MYO7A: variants seen among roughly 807,000 people sequenced by gnomAD.
The protein encoded by MYO7A is myosin VIIA.
In MYO7A, 210 loss-of-function variants were observed where a neutral mutation model predicts 263.8. The observed-to-expected ratio is 0.80, with a 90% confidence interval of 0.71 to 0.89. The LOEUF (loss-of-function observed/expected upper bound fraction) is 0.89, where lower values mean the gene tolerates loss of function less well. Among genes scored for constraint, MYO7A ranks in the 40% least tolerant of loss-of-function variants. MYO7A has a pLI of 0.00. For synonymous variants in MYO7A, 1,239 were observed against 1,197.3 expected, an observed-to-expected ratio of 1.03 and a Z score of -0.72; for missense variants, 2,820 against 2,968.3, an observed-to-expected ratio of 0.95 and a Z score of 1.16.
At chr11:77,158,025 T>G (rs1952660246) in intron 8 of MYO7A, among the ~76,000 whole-genome samples, 1 of 152,048 alleles carries the variant, frequency 6.6e-6, no homozygotes, top group South Asian at 2.1e-4. Flanking sequence ...GTGACCTGCC[T>G]GCTCTTCATG....
Position 77,206,217 on chromosome 11 carries a change from C to T in MYO7A, c.5742+15C>T, listed in dbSNP as rs778530038. 3.8e-6 allele frequency: 6 copies of T among 1,592,570 alleles called. No homozygotes were observed. The African/African-American group carries it at 6.7e-5, about 18-fold the overall frequency. ...ACACTGACGAGGTGAGGGTCACCGG[C>T]TTCTAGGTCTGCAGTGCCCAGGACA... On this transcript the variant is annotated intron_variant, in intron 41 of 48. Transcript: ENST00000409709.
intron 42 of MYO7A, 67 bp downstream of exon 42, chr11:77,207,469 G>T: frequency 1.7e-6 from 2 of 1,163,116 alleles, no homozygotes; most frequent in Non-Finnish European, 2.5e-6. Flanking sequence ...ACGGACAGCA[G>T]ACGGAAGAGA....
intron 12 of MYO7A, among the ~76,000 whole-genome samples, chr11:77,161,819 A>C (rs920774368): frequency 5.8e-4 from 89 of 152,150 alleles, no homozygotes; most frequent in African/African-American, 1.9e-3. Context: ...TTGGGTGCCC[A>C]CCTGCCAATC....
rs773167768 is a variant in MYO7A, at chr11:77,211,900, A to C, written c.6317A>C (p.Lys2106Thr). Residue 2106 changes from lysine to threonine, a missense_variant, in exon 46 of 49, where the codon AAG (lysine) becomes ACG (threonine). By Grantham distance (78) the Lys-to-Thr change is moderately conservative. Transcript: ENST00000409709. ...AKLAFLKLIFKWPTFGSAFFE... is the reference protein window; with the variant it reads ...AKLAFLKLIFTWPTFGSAFFE... ...CTGGCCTTCCTGAAGCTCATCTTCA[A>C]GTGGCCCACCTTTGGCTCAGCCTTC... 3.7e-6 allele frequency: 6 copies of C among 1,613,990 alleles called. No homozygotes were observed. The Admixed American group carries it at 6.7e-5, about 18-fold the overall frequency.
At chr11:77,198,344 G>A in intron 33 of MYO7A, 151 bp from the exon 34 acceptor site, 1 of 1,062,926 alleles carries the variant, frequency 9.4e-7, no homozygotes, top group Non-Finnish European at 1.3e-6. Context: ...TTGGGTTTTG[G>A]CACGTAGCGA....
Position 77,159,516 on chromosome 11 carries a change from T to A in MYO7A, c.1073T>A (p.Leu358Gln). The change falls in exon 10 of 49, where the codon CTG becomes CAG. Residue 358 changes from leucine to glutamine, a missense_variant. By Grantham distance (113) the Leu-to-Gln change is moderately radical. Coordinates refer to ENST00000409709, the MANE Select transcript of MYO7A (RefSeq NM_000260.4). ...FSPSLATAAS[L>Q]LEVNPPDLMS... ...CCATCGCTGGCCACAGCTGCATCCC[T>A]GCTTGAGGTCAGTGCCTGGCCTCTC... 1 of 1,610,512 alleles carries A rather than the reference T, an allele frequency of 6.2e-7. No individual in the cohort carries two copies. The highest frequency in any genetic ancestry group is 8.5e-7 in the Non-Finnish European group (1 of 1,178,448).
chr11:77,190,899 G>A lies in MYO7A; in HGVS notation c.3924+29G>A, dbSNP rs375495224. 474 of 1,525,884 alleles carry A rather than the reference G, an allele frequency of 3.1e-4. 1 individual carries two copies. The highest frequency in any genetic ancestry group is 3.9e-4 in the Non-Finnish European group (439 of 1,129,848). The allele number at this position is 1,525,884 out of a possible 1,614,324, so 94.5% of individuals were successfully genotyped here. ...TGGCCGCCCGGAAGCACCTCCTCCC[G>A]GAAGCACCTCCTCCCGGCCCCACTC... On this transcript the variant is annotated intron_variant, in intron 30 of 48. Transcript: ENST00000409709.
intron 2 of MYO7A, among the ~76,000 whole-genome samples, chr11:77,135,578 T>C (rs1388137376): frequency 6.6e-6 from 1 of 152,264 alleles, no homozygotes; most frequent in East Asian, 1.9e-4. Context: ...TTCTTTTGAG[T>C]ATATATCCAG....
chr11:77,204,494 C>G (rs916394013), intron 39 of MYO7A, among the ~76,000 whole-genome samples: 1 of 152,252 alleles, frequency 6.6e-6, no homozygotes, highest in Non-Finnish European at 1.5e-5. Context: ...TTGGCTGGAG[C>G]CTCGTCTGGA....
In MYO7A at chr11:77,190,888, C is replaced by T; in HGVS notation, c.3924+18C>T. ...TTGACAAGGTATGGCCGCCCGGAAGCACCTCCTCCCGGAAGCACCTCCTCC... is the reference window on the plus strand; with the variant it reads ...TTGACAAGGTATGGCCGCCCGGAAGTACCTCCTCCCGGAAGCACCTCCTCC... On this transcript the variant is annotated intron_variant, in intron 30 of 48. Transcript: ENST00000409709. The T allele has an allele frequency of 6.5e-7, 1 of 1,529,294 alleles. No individual in the cohort carries two copies. Among genetic ancestry groups the T allele is most frequent in the Non-Finnish European group, 8.8e-7 (1 of 1,132,408 alleles). 94.7% of individuals were successfully genotyped at this position (1,529,294 alleles called of 1,614,324 possible).
At chr11:77,210,711 C>T (rs570168522) in intron 44 of MYO7A, among the ~76,000 whole-genome samples, 2 of 152,208 alleles carry the variant, frequency 1.3e-5, no homozygotes, top group East Asian at 3.9e-4. Context: ...GGTGGGAGGG[C>T]CTCTGCTACT....
intron 20 of MYO7A, among the ~76,000 whole-genome samples, chr11:77,179,517 C>T (rs1221022138): frequency 1.3e-5 from 2 of 152,188 alleles, no homozygotes; most frequent in Non-Finnish European, 2.9e-5. Context: ...CTCTTGGGGG[C>T]CCCAACTCAG....
At chr11:77,204,564 C>T (rs1053077604) in intron 39 of MYO7A, among the ~76,000 whole-genome samples, 3 of 152,212 alleles carry the variant, frequency 2.0e-5, no homozygotes, top group African/African-American at 7.2e-5. Flanking sequence ...TCAAGTGTCC[C>T]CTCCCTGGTG....
intron 27 of MYO7A, among the ~76,000 whole-genome samples, chr11:77,187,768 A>G (rs186408146): frequency 2.2e-4 from 33 of 152,336 alleles, no homozygotes; most frequent in Admixed American, 1.6e-3. Context: ...AGCTGATGCC[A>G]TGAATGTGTG....
chr11:77,134,733 T>C (rs1053686875), intron 2 of MYO7A, among the ~76,000 whole-genome samples: 1 of 152,042 alleles, frequency 6.6e-6, no homozygotes, highest in African/African-American at 2.4e-5. Context: ...TATTTTTTTT[T>C]CCAATTTTGT....
intron 27 of MYO7A, 33 bp downstream of exon 27, chr11:77,184,748 GA>G: frequency 6.8e-7 from 1 of 1,476,998 alleles, no homozygotes; most frequent in Non-Finnish European, 9.0e-7. Context: ...ACCAGGGCCT[GA>G]AAGTCTTTTG....
At chr11:77,188,132 G>C (rs1473517864) in intron 27 of MYO7A, among the ~76,000 whole-genome samples, 2 of 152,170 alleles carry the variant, frequency 1.3e-5, no homozygotes, top group Non-Finnish European at 2.9e-5. Context: ...ACTCCTTGAG[G>C]GGCCTCACAC....
chr11:77,142,218 G>T (rs1469737610), intron 2 of MYO7A, among the ~76,000 whole-genome samples: 1 of 152,224 alleles, frequency 6.6e-6, no homozygotes, highest in Non-Finnish European at 1.5e-5. Flanking sequence ...CCCTTCTCTA[G>T]TGCCCAGCAC....
At chr11:77,157,192 A>T in intron 7 of MYO7A, 87 bp from the exon 8 acceptor site, 2 of 1,375,752 alleles carry the variant, frequency 1.5e-6, no homozygotes, top group Non-Finnish European at 2.0e-6. Context: ...CATTTGTTAA[A>T]ATAGTAAACC....
Sources: allele counts gnomAD v4.1 joint callset (sites outside exome capture counted in the v4.1 genomes callset), GRCh38; gene constraint gnomAD v4.1.1; transcripts MANE v1.5; gene names NCBI Gene and HGNC (gene_info 2026-07-23, HGNC 2026-07-21).